FCHSD2: variants seen among roughly 807,000 people sequenced by gnomAD.
FCHSD2 encodes the protein FCH and double SH3 domains 2, also known as F-BAR and double SH3 domains protein 2.
In FCHSD2, 38 loss-of-function variants were observed where a neutral mutation model predicts 108.1. That is an observed-to-expected ratio of 0.35 (90% CI 0.27 to 0.46). FCHSD2 has a LOEUF of 0.46. Among genes scored for constraint, FCHSD2 ranks in the 20% least tolerant of loss-of-function variants. The pLI, the probability that FCHSD2 is intolerant of heterozygous loss-of-function variation, is 1.00. For synonymous variants in FCHSD2, 279 were observed against 314.7 expected, an observed-to-expected ratio of 0.89 and a Z score of 1.20; for missense variants, 751 against 897.8, an observed-to-expected ratio of 0.84 and a Z score of 2.09.
At chr11:73,047,368 T>A (rs1349995207) in intron 3 of FCHSD2, among the ~76,000 whole-genome samples, 2 of 152,070 alleles carry the variant, frequency 1.3e-5, no homozygotes, top group Non-Finnish European at 2.9e-5. Context: ...TATTCAAGGT[T>A]ATAAGAAAAA....
chr11:73,118,325 A>G (rs1172976114), intron 2 of FCHSD2, among the ~76,000 whole-genome samples: 1 of 152,182 alleles, frequency 6.6e-6, no homozygotes, highest in Non-Finnish European at 1.5e-5. Context: ...TCTCAAAAAA[A>G]CAAAAACAAA....
chr11:72,957,240 G>T (rs918913369), intron 8 of FCHSD2, among the ~76,000 whole-genome samples: 4 of 131,296 alleles, frequency 3.0e-5, no homozygotes, highest in South Asian at 2.4e-4. Context: ...GTGTCCATGT[G>T]ATCTCATTGT....
intron 4 of FCHSD2, among the ~76,000 whole-genome samples, chr11:73,014,742 T>TG (rs1857933053): frequency 6.6e-6 from 1 of 152,178 alleles, no homozygotes; most frequent in South Asian, 2.1e-4. Context: ...CTAACCAGAC[T>TG]GCAAGCTCTG....
At chr11:72,947,354 C>T (rs1307802525) in intron 8 of FCHSD2, among the ~76,000 whole-genome samples, 1 of 152,168 alleles carries the variant, frequency 6.6e-6, no homozygotes, top group Non-Finnish European at 1.5e-5. Flanking sequence ...GAGGTTTTCC[C>T]ACAACAATGG....
intron 8 of FCHSD2, among the ~76,000 whole-genome samples, chr11:72,981,364 T>C (rs1056459902): frequency 1.3e-5 from 2 of 152,156 alleles, no homozygotes; most frequent in African/African-American, 2.4e-5. Context: ...CCCTTTAACT[T>C]CCTCTTTGCT....
chr11:72,887,338 T>C (rs976002242), intron 12 of FCHSD2, 132 bp downstream of exon 12: 15 of 632,312 alleles, frequency 2.4e-5, no homozygotes, highest in Non-Finnish European at 3.9e-5. Flanking sequence ...CAAATACTAC[T>C]GTGGACACGA....
chr11:72,885,692 T>C (rs1230110305), intron 12 of FCHSD2, among the ~76,000 whole-genome samples: 1 of 152,176 alleles, frequency 6.6e-6, no homozygotes, highest in Non-Finnish European at 1.5e-5. Context: ...TCTGAAAAAC[T>C]GGCTTCATCT....
chr11:72,979,947 T>A (rs956242676), intron 8 of FCHSD2, among the ~76,000 whole-genome samples: 3 of 152,146 alleles, frequency 2.0e-5, no homozygotes, highest in South Asian at 4.1e-4. Flanking sequence ...AAGAACAGAA[T>A]GTCCAGGAAA....
At chr11:73,015,745 T>G in intron 4 of FCHSD2, 64 bp downstream of exon 4, 1 of 918,330 alleles carries the variant, frequency 1.1e-6, no homozygotes, top group Non-Finnish European at 1.7e-6. Flanking sequence ...TTACATTATC[T>G]ATATGTAACA....
chr11:72,885,631 A>G (rs967617028), intron 12 of FCHSD2, among the ~76,000 whole-genome samples: 51 of 152,176 alleles, frequency 3.4e-4, no homozygotes, highest in Non-Finnish European at 2.5e-4. Context: ...AATACCCCTC[A>G]GAAAACCTCT....
At chr11:72,902,874 A>G (rs1425546425) in intron 9 of FCHSD2, among the ~76,000 whole-genome samples, 2 of 152,212 alleles carry the variant, frequency 1.3e-5, no homozygotes, top group Non-Finnish European at 2.9e-5. Context: ...ACTAGATCAG[A>G]TTTGGGGACT....
At chr11:72,892,989 G>A (rs558479068) in intron 10 of FCHSD2, among the ~76,000 whole-genome samples, 1 of 150,884 alleles carries the variant, frequency 6.6e-6, no homozygotes, top group Non-Finnish European at 1.5e-5. Context: ...TAAAATGCTG[G>A]CAAATTTATT....
intron 7 of FCHSD2, 95 bp from the exon 8 acceptor site, chr11:72,984,311 C>A: frequency 8.6e-7 from 1 of 1,165,436 alleles, no homozygotes; most frequent in Non-Finnish European, 1.3e-6. Context: ...AATGGCTCCC[C>A]AACAAGAATA....
chr11:73,097,925 C>T (rs150370971), intron 2 of FCHSD2, among the ~76,000 whole-genome samples: 3 of 152,286 alleles, frequency 2.0e-5, no homozygotes, highest in African/African-American at 7.2e-5. Flanking sequence ...CCTCCTGCCT[C>T]GGCCTCCAAC....
chr11:72,867,208 T>G (rs1054764542), intron 13 of FCHSD2, among the ~76,000 whole-genome samples: 1 of 152,208 alleles, frequency 6.6e-6, no homozygotes, highest in Non-Finnish European at 1.5e-5. Flanking sequence ...TAGCAAGGCA[T>G]CACATATCCA....
At chr11:73,121,056 A>G (rs1480022899) in intron 2 of FCHSD2, among the ~76,000 whole-genome samples, 1 of 152,154 alleles carries the variant, frequency 6.6e-6, no homozygotes, top group Non-Finnish European at 1.5e-5. Flanking sequence ...TCAGCAATTT[A>G]GCTCTGTCTC....
intron 10 of FCHSD2, among the ~76,000 whole-genome samples, chr11:72,898,965 G>A (rs981896436): frequency 3.3e-5 from 5 of 151,694 alleles, no homozygotes; most frequent in African/African-American, 9.7e-5. Flanking sequence ...GGCTGGTCTC[G>A]AACTCCTGGG....
At chr11:73,132,770 G>A (rs1288950234) in intron 2 of FCHSD2, among the ~76,000 whole-genome samples, 1 of 144,638 alleles carries the variant, frequency 6.9e-6, no homozygotes, top group African/African-American at 2.5e-5. Context: ...ATTGCAGTGA[G>A]CCATGACCAT....
At chr11:72,990,233 C>T (rs1022881577) in intron 5 of FCHSD2, among the ~76,000 whole-genome samples, 5 of 152,170 alleles carry the variant, frequency 3.3e-5, no homozygotes, top group African/African-American at 9.7e-5. Context: ...GCTTAACTTT[C>T]TAGATCTGTG....
Sources: allele counts gnomAD v4.1 joint callset (sites outside exome capture counted in the v4.1 genomes callset), GRCh38; gene constraint gnomAD v4.1.1; transcripts MANE v1.5; gene names NCBI Gene and HGNC (gene_info 2026-07-23, HGNC 2026-07-21).